The following SPTBN1 variants were observed in gnomAD, a reference collection of about 807,000 sequenced individuals.
SPTBN1 encodes the protein spectrin beta chain, non-erythrocytic 1.
A neutral mutation model predicts 266.4 loss-of-function variants in SPTBN1; 32 were observed. The observed-to-expected ratio is 0.12, with a 90% CI of 0.09 to 0.16. SPTBN1 has a LOEUF of 0.16. Ranked by LOEUF, SPTBN1 falls within the 10% of genes least tolerant of loss-of-function variation. SPTBN1 has a pLI of 1.00. For synonymous variants in SPTBN1, 1,336 were observed against 1,162.2 expected, an observed-to-expected ratio of 1.15 and a Z score of -3.04; for missense variants, 2,296 against 3,067.1, an observed-to-expected ratio of 0.75 and a Z score of 5.94.
intron 35 of SPTBN1, among the ~76,000 whole-genome samples, chr2:54,667,880 C>T (rs920543383): frequency 1.3e-5 from 2 of 152,198 alleles, no homozygotes; most frequent in African/African-American, 2.4e-5. Context: ...GAATCTTTGC[C>T]TGTCCCCTCC....
intron 1 of SPTBN1, among the ~76,000 whole-genome samples, chr2:54,504,320 G>C (rs1210628147): frequency 1.3e-5 from 2 of 152,138 alleles, no homozygotes; most frequent in African/African-American, 4.8e-5. Flanking sequence ...TAGCTAGTAG[G>C]AATATTTCCT....
intron 2 of SPTBN1, among the ~76,000 whole-genome samples, chr2:54,592,680 C>T (rs754574508): frequency 1.3e-5 from 2 of 152,190 alleles, no homozygotes; most frequent in Non-Finnish European, 1.5e-5. Context: ...TGAGCCAACG[C>T]GCCCAGCTAC....
At chr2:54,532,095 C>T (rs1671284163) in intron 2 of SPTBN1, among the ~76,000 whole-genome samples, 1 of 152,120 alleles carries the variant, frequency 6.6e-6, no homozygotes, top group Admixed American at 6.6e-5. Flanking sequence ...CAAAACCAGC[C>T]TGGCCAACGT....
At chr2:54,543,616 A>C (rs1672064868) in intron 2 of SPTBN1, among the ~76,000 whole-genome samples, 2 of 152,136 alleles carry the variant, frequency 1.3e-5, no homozygotes, top group Admixed American at 1.3e-4. Context: ...TAAAAAAATT[A>C]ATATGGTCTT....
In SPTBN1 at chr2:54,658,081, C is replaced by T. The variant is rs368065482; in HGVS notation, c.6243+35C>T. ...CGCTGGGCCCTTTGTCTGTTGGTGC[C>T]CTGGGCAGCCTTTTCTTCCTGCTTG... On this transcript the variant is annotated intron_variant, in intron 30 of 35. Coordinates refer to ENST00000356805, the MANE Select transcript of SPTBN1 (RefSeq NM_003128.3). The T allele has an allele frequency of 1.2e-5, 20 of 1,611,094 alleles. 1 individual carries two copies. In the Middle Eastern group the frequency reaches 1.9e-3, roughly 150 times the overall value.
chr2:54,611,300 T>C (rs980001951), intron 3 of SPTBN1, among the ~76,000 whole-genome samples: 1 of 152,178 alleles, frequency 6.6e-6, no homozygotes, highest in African/African-American at 2.4e-5. Context: ...TTGAAAAATA[T>C]CCATGTATAA....
At chr2:54,667,877 T>C (rs1681468470) in intron 35 of SPTBN1, among the ~76,000 whole-genome samples, 1 of 152,218 alleles carries the variant, frequency 6.6e-6, no homozygotes, top group South Asian at 2.1e-4. Context: ...ATGGAATCTT[T>C]GCCTGTCCCC....
At chr2:54,619,676 A>G (rs1677863839) in intron 7 of SPTBN1, among the ~76,000 whole-genome samples, 1 of 152,168 alleles carries the variant, frequency 6.6e-6, no homozygotes, top group Non-Finnish European at 1.5e-5. Context: ...TTTTGTTGAC[A>G]TTTTGTGTTG....
intron 3 of SPTBN1, among the ~76,000 whole-genome samples, chr2:54,608,604 A>T (rs1411959273): frequency 6.6e-6 from 1 of 152,072 alleles, no homozygotes; most frequent in Non-Finnish European, 1.5e-5. Context: ...AATAGGAAGG[A>T]GAGAAGGATG....
At chr2:54,643,278 CG>C (rs1376446718) in intron 19 of SPTBN1, 149 bp downstream of exon 19, 1 of 1,220,244 alleles carries the variant, frequency 8.2e-7, no homozygotes, top group Non-Finnish European at 1.1e-6. Context: ...TTTGCACGTA[CG>C]GGTTCCTGAC....
chr2:54,629,251 C>A lies in SPTBN1; in HGVS notation c.2117C>A (p.Ala706Glu), dbSNP rs373251033. The A allele has an allele frequency of 6.2e-7, 1 of 1,613,976 alleles. No individual in the cohort carries two copies. Among genetic ancestry groups the A allele is most frequent in the Admixed American group, 1.7e-5 (1 of 60,030 alleles). The change falls in exon 14 of 36, where the codon GCG becomes GAG. Residue 706 changes from alanine (A) to glutamate (E), a missense_variant. Ala to Glu is a moderately radical substitution (Grantham distance 107). This residue lies in a region of SPTBN1 where 434 missense variants were observed against 573.9 expected (regional missense o/e 0.76). Transcript: ENST00000356805. ...QAIKEGEDMI[A>E]EEHFGSEKIR... The stretch of plus-strand genomic sequence containing the variant: ...ATCAAGGAAGGCGAAGACATGATCG[C>A]GGAGGAGCACTTCGGGTCGGAGAAG...
chr2:54,616,068 T>G (rs754677111), intron 4 of SPTBN1, 139 bp from the exon 5 acceptor site: 5 of 605,106 alleles, frequency 8.3e-6, no homozygotes, highest in African/African-American at 1.9e-5. Context: ...GGAAGCAGTT[T>G]TCATTGACAG....
intron 2 of SPTBN1, among the ~76,000 whole-genome samples, chr2:54,548,419 G>C (rs926526405): frequency 6.6e-5 from 10 of 152,142 alleles, no homozygotes; most frequent in Admixed American, 3.9e-4. Flanking sequence ...GGACATCAGA[G>C]AACATAAACA....
At position 54,645,990 on chromosome 2, in the gene SPTBN1, T is replaced by C. The variant is rs1430109049; in HGVS notation, c.4557T>C (p.Thr1519=). 1.2e-6 allele frequency: 2 copies of C among 1,614,212 alleles called. No individual in the cohort carries two copies. The highest frequency in any genetic ancestry group is 1.1e-5 in the South Asian group (1 of 91,082). Residue 1519 remains threonine (T), a synonymous_variant, in exon 22 of 36, where the codon ACT becomes ACC. Transcript: ENST00000356805. This position sits in a 1 kb window ranked among gnomAD's most constrained non-coding sequence, Gnocchi z 4.3. ...TSTDHGHNLQ[T]VQLLIKKNQT... is the part of the protein sequence containing the mutation. ...CGGATCATGGCCACAACCTCCAGAC[T>C]GTGCAGCTGTTAATAAAGAAAAATC...
rs547369244 is a variant in SPTBN1 at position 54,613,649 on chromosome 2, C to G, written c.474+1315C>G. ...TGATTAAGTAGGTCTGAAGAGAGAA[C>G]CACTGTTGAAGATGGTACAACATCA... On this transcript the variant is annotated intron_variant, in intron 4 of 35. Transcript: ENST00000356805. Among the ~76,000 whole-genome samples the G allele has an allele frequency of 3.3e-5, 5 of 152,322 alleles. No individual in the cohort carries two copies. In the East Asian group the frequency reaches 7.7e-4, roughly 23 times the overall value.
intron 2 of SPTBN1, among the ~76,000 whole-genome samples, chr2:54,551,540 G>A (rs920295734): frequency 6.6e-6 from 1 of 152,254 alleles, no homozygotes; most frequent in Non-Finnish European, 1.5e-5. Context: ...TCATTCCCCA[G>A]GACCTTGGGT....
chr2:54,498,823 G>T (rs181915151), intron 1 of SPTBN1, among the ~76,000 whole-genome samples: 3 of 152,320 alleles, frequency 2.0e-5, no homozygotes, highest in Admixed American at 2.0e-4. Flanking sequence ...TGTGTTGGGT[G>T]CTGGAGATAC....
chr2:54,548,742 A>G (rs1558828057), intron 2 of SPTBN1, among the ~76,000 whole-genome samples: 2 of 152,238 alleles, frequency 1.3e-5, no homozygotes, highest in South Asian at 2.1e-4. Context: ...TATAAATGAG[A>G]TGGGTTGGCT....
chr2:54,472,045 T>TTTTG (rs1693955249), intron 1 of SPTBN1, among the ~76,000 whole-genome samples: 2 of 139,886 alleles, frequency 1.4e-5, no homozygotes, highest in African/African-American at 2.8e-5. Flanking sequence ...TTTTTTTTTT[T>TTTTG]GAGACTGAGT....
Sources: gnomAD v4.1 joint callset for allele counts (sites outside exome capture counted in the v4.1 genomes callset) on GRCh38, gnomAD v4.1.1 for gene constraint, gnomAD v4.1.1 regional missense constraint, Gnocchi (gnomAD v3.1) non-coding constraint, MANE v1.5 for transcripts, NCBI Gene and HGNC (gene_info 2026-07-23, HGNC 2026-07-21) for gene names.